The following DISC1 variants were observed in gnomAD, a reference collection of about 807,000 sequenced individuals.
DISC1 encodes the protein disrupted in schizophrenia 1 protein.
Under a neutral mutation model 84.5 loss-of-function variants are expected in DISC1, and 57 were observed. The ratio of observed to expected loss-of-function variants is 0.67; its 90% CI spans 0.55 to 0.84. The LOEUF (loss-of-function observed/expected upper bound fraction) is 0.84. Ranked by LOEUF, DISC1 falls within the 40% of genes least tolerant of loss-of-function variation. DISC1 has a pLI of 0.00. For synonymous variants in DISC1, 411 were observed against 415.2 expected (o/e 0.99, Z 0.12); for missense variants, 1,000 against 1,057.8 (o/e 0.95, Z 0.76).
chr1:231,932,249 G>A (rs796920300), intron 9 of DISC1, among the ~76,000 whole-genome samples: 2 of 152,292 alleles, frequency 1.3e-5, no homozygotes, highest in African/African-American at 4.8e-5. Context: ...TGATTTAGTG[G>A]TAAGAGGAAA....
chr1:231,837,889 G>A (rs1389457738), intron 9 of DISC1, among the ~76,000 whole-genome samples: 2 of 152,136 alleles, frequency 1.3e-5, no homozygotes, highest in African/African-American at 4.8e-5. Context: ...GGCAAATTTC[G>A]TTGCCACAAT....
intron 3 of DISC1, among the ~76,000 whole-genome samples, chr1:231,746,932 A>G (rs2074048323): frequency 6.6e-6 from 1 of 151,862 alleles, no homozygotes; most frequent in African/African-American, 2.4e-5. Flanking sequence ...GATTGTTTAT[A>G]TCTTTTATTT....
At chr1:231,749,384 G>C (rs2074355741) in intron 3 of DISC1, among the ~76,000 whole-genome samples, 1 of 152,090 alleles carries the variant, frequency 6.6e-6, no homozygotes, top group African/African-American at 2.4e-5. Context: ...TAGACTTAAG[G>C]TCATTAAAAT....
chr1:231,762,126 T>C (rs1349198117), intron 4 of DISC1, among the ~76,000 whole-genome samples: 2 of 151,678 alleles, frequency 1.3e-5, no homozygotes, highest in Admixed American at 6.6e-5. Flanking sequence ...CTTTTCTTTT[T>C]TCTTTTCTTT....
At position 231,694,975 on chromosome 1, in the gene DISC1, A is replaced by G. The variant is rs557541739; in HGVS notation, c.1047+170A>G. ...ATGTTGCTGCACTTCTGTCTCTTTG[A>G]ATTGGACACAGATCTACTCTCCTTT... is the stretch of plus-strand genomic sequence containing the variant. On this transcript the variant is annotated intron_variant, in intron 2 of 12. Coordinates refer to ENST00000439617, the MANE Select transcript of DISC1 (RefSeq NM_018662.3). Among the ~76,000 whole-genome samples the G allele has an allele frequency of 2.0e-5, 3 of 152,122 alleles. No individual in the cohort carries two copies. In the East Asian group the frequency reaches 5.8e-4, roughly 29 times the overall value.
rs757748063 is a variant in DISC1, at chr1:231,771,038, C to T, written c.1602C>T (p.Pro534=). The change falls in exon 6 of 13, where the codon CCC becomes CCT. Residue 534 remains proline, a synonymous_variant. Transcript: ENST00000439617. The part of the protein sequence containing the change: ...QDTLASAGQI[P]FHAEPPETIR... ...CCCTGGCCTCAGCCGGTCAGATTCC[C>T]TTCCATGCAGAGCCACCGGAAACCA... is the stretch of plus-strand genomic sequence containing the variant. The T allele has an allele frequency of 6.2e-7, 1 of 1,609,300 alleles. No individual in the cohort carries two copies. The highest frequency in any genetic ancestry group is 1.1e-5 in the South Asian group (1 of 90,330).
At chr1:231,695,453 A>T (rs2065537950) in intron 2 of DISC1, among the ~76,000 whole-genome samples, 1 of 152,206 alleles carries the variant, frequency 6.6e-6, no homozygotes, top group Non-Finnish European at 1.5e-5. Flanking sequence ...GTTATCTGAG[A>T]GGTGGGTATA....
chr1:231,709,118 TC>T (rs2067469178), intron 3 of DISC1, among the ~76,000 whole-genome samples: 1 of 152,214 alleles, frequency 6.6e-6, no homozygotes, highest in South Asian at 2.1e-4. Context: ...TAGCTTCTCT[TC>T]CTGTTTACAG....
chr1:231,844,825 G>C (rs1368739716), intron 9 of DISC1, among the ~76,000 whole-genome samples: 1 of 151,520 alleles, frequency 6.6e-6, no homozygotes, highest in African/African-American at 2.4e-5. Flanking sequence ...TACTCGGGAG[G>C]CTGAGGCAGG....
chr1:231,885,453 G>A (rs2086613995), intron 9 of DISC1, among the ~76,000 whole-genome samples: 1 of 152,180 alleles, frequency 6.6e-6, no homozygotes, highest in African/African-American at 2.4e-5. Flanking sequence ...ACAATACTCC[G>A]GTGATAGTTA....
chr1:231,701,287 C>T (rs544116382), intron 2 of DISC1, among the ~76,000 whole-genome samples: 1 of 152,274 alleles, frequency 6.6e-6, no homozygotes, highest in Admixed American at 6.5e-5. Flanking sequence ...TTACCTCCCA[C>T]GACATGCGGG....
chr1:231,700,811 G>T (rs926456817), intron 2 of DISC1, among the ~76,000 whole-genome samples: 1 of 152,174 alleles, frequency 6.6e-6, no homozygotes. Flanking sequence ...CACAATGGAG[G>T]TATAGAGGAG....
chr1:231,945,413 A>G (rs941359426), intron 9 of DISC1, among the ~76,000 whole-genome samples: 17 of 152,206 alleles, frequency 1.1e-4, no homozygotes, highest in Admixed American at 9.2e-4. Context: ...TTTGAAACCA[A>G]TGAGAACAAA....
intron 9 of DISC1, among the ~76,000 whole-genome samples, chr1:231,917,900 T>G (rs564625913): frequency 5.4e-4 from 83 of 152,372 alleles, no homozygotes; most frequent in African/African-American, 2.0e-3. Context: ...TGCTTTCATA[T>G]TCAACGTGGA....
At chr1:231,924,444 CT>C (rs1299684594) in intron 9 of DISC1, among the ~76,000 whole-genome samples, 2 of 152,128 alleles carry the variant, frequency 1.3e-5, no homozygotes, top group African/African-American at 4.8e-5. Context: ...CTATTGAAGC[CT>C]TTGTGCGATG....
At chr1:231,717,917 G>A (rs905221471) in intron 3 of DISC1, among the ~76,000 whole-genome samples, 1 of 152,022 alleles carries the variant, frequency 6.6e-6, no homozygotes, top group Non-Finnish European at 1.5e-5. Context: ...AAGATCTAAA[G>A]ACTATCTTTT....
intron 9 of DISC1, among the ~76,000 whole-genome samples, chr1:231,830,720 C>T (rs1412926563): frequency 1.3e-5 from 2 of 152,092 alleles, no homozygotes; most frequent in African/African-American, 2.4e-5. Context: ...TAAAAAGGAG[C>T]GTCCATACAG....
intron 10 of DISC1, among the ~76,000 whole-genome samples, chr1:231,987,034 G>T (rs934021261): frequency 3.2e-4 from 48 of 152,196 alleles, no homozygotes; most frequent in Admixed American, 5.2e-4. Context: ...TTCTGGGACA[G>T]TCGGTCTGTT....
At chr1:231,723,351 A>G in intron 3 of DISC1, 1 of 985,840 alleles carries the variant, frequency 1.0e-6, no homozygotes, top group Non-Finnish European at 1.2e-6. Flanking sequence ...CTCCTGCAGG[A>G]AGACCTGTAA....
Sources: gnomAD v4.1 joint callset for allele counts (sites outside exome capture counted in the v4.1 genomes callset) on GRCh38, gnomAD v4.1.1 for gene constraint, MANE v1.5 for transcripts, NCBI Gene and HGNC (gene_info 2026-07-23, HGNC 2026-07-21) for gene names.